The following PTBP3 variants were observed in gnomAD, a reference collection of about 807,000 sequenced individuals.
The protein encoded by PTBP3 is polypyrimidine tract-binding protein 3.
A neutral mutation model predicts 58.7 loss-of-function variants in PTBP3; 20 were observed. The ratio of observed to expected loss-of-function variants is 0.34; its 90% CI spans 0.24 to 0.50. The LOEUF (loss-of-function observed/expected upper bound fraction) is 0.50, where lower values mean the gene tolerates loss of function less well. Ranked by LOEUF, PTBP3 falls within the 20% of genes least tolerant of loss-of-function variation. The pLI is 0.98. For synonymous variants in PTBP3, 185 were observed against 219.8 expected (o/e 0.84, Z 1.40); for missense variants, 509 against 637.2 (o/e 0.80, Z 2.17).
chr9:112,319,478 A>G (rs1186684177), intron 1 of PTBP3, among the ~76,000 whole-genome samples: 2 of 152,230 alleles, frequency 1.3e-5, no homozygotes, highest in African/African-American at 4.8e-5. Context: ...AATCATCAAG[A>G]CACTACAAAT....
At chr9:112,367,914 C>T in the PTBP3 span, among the ~76,000 whole-genome samples, 2 of 152,210 alleles carry the variant, frequency 1.3e-5, no homozygotes, top group East Asian at 3.9e-4. Flanking sequence ...CCTTCTGGAA[C>T]TCCCATAATG....
intron 1 of PTBP3, among the ~76,000 whole-genome samples, chr9:112,331,907 C>T (rs1281662085): frequency 6.6e-6 from 1 of 152,046 alleles, no homozygotes. Context: ...TTTTACGACA[C>T]AAAAAAATAG....
the PTBP3 span, among the ~76,000 whole-genome samples, chr9:112,343,607 T>C: frequency 2.6e-5 from 4 of 151,938 alleles, no homozygotes; most frequent in Non-Finnish European, 5.9e-5. Flanking sequence ...CTGGCCAACA[T>C]GGTGAAACCC....
At chr9:112,235,936 G>C (rs1835422290) in intron 7 of PTBP3, among the ~76,000 whole-genome samples, 1 of 152,044 alleles carries the variant, frequency 6.6e-6, no homozygotes, top group Admixed American at 6.6e-5. Flanking sequence ...AGGGGGATAG[G>C]GAGGACCTTC....
chr9:112,235,816 G>T (rs767559307), intron 7 of PTBP3, among the ~76,000 whole-genome samples: 2 of 152,078 alleles, frequency 1.3e-5, no homozygotes, highest in African/African-American at 2.4e-5. Context: ...GTACACTTAA[G>T]CAACAGAAGG....
chr9:112,296,289 G>A (rs992322334), intron 2 of PTBP3, among the ~76,000 whole-genome samples: 1 of 151,984 alleles, frequency 6.6e-6, no homozygotes, highest in Non-Finnish European at 1.5e-5. Context: ...TAGAATGACT[G>A]TTAAGTCCTA....
chr9:112,240,836 G>C lies in PTBP3; in HGVS notation c.803-5939C>G, dbSNP rs1835629002. Among the ~76,000 whole-genome samples the C allele has an allele frequency of 1.3e-5, 2 of 151,746 alleles. 1 individual carries two copies. Among genetic ancestry groups the C allele is most frequent in the South Asian group, 4.1e-4 (2 of 4,830 alleles). ...ATATTGACAATCCTGACCTTGTGTAGGCCTAGGCTAACGTGTGTATGTGTC... is the reference window on the plus strand; with the variant it reads ...ATATTGACAATCCTGACCTTGTGTACGCCTAGGCTAACGTGTGTATGTGTC... On this transcript the variant is annotated intron_variant, in intron 7 of 13. Transcript: ENST00000374257.
intron 3 of PTBP3, among the ~76,000 whole-genome samples, chr9:112,268,633 G>T (rs1400187602): frequency 3.4e-5 from 5 of 148,808 alleles, no homozygotes; most frequent in African/African-American, 9.9e-5. Context: ...GACTGCTCAA[G>T]CCTGGGAGGT....
chr9:112,378,328 T>C, the PTBP3 span, among the ~76,000 whole-genome samples: 1 of 152,246 alleles, frequency 6.6e-6, no homozygotes, highest in East Asian at 1.9e-4. Flanking sequence ...ATAGTGTAAG[T>C]ACAGGTATTT....
At chr9:112,314,608 T>A (rs1276916377) in intron 1 of PTBP3, among the ~76,000 whole-genome samples, 2 of 151,946 alleles carry the variant, frequency 1.3e-5, no homozygotes, top group African/African-American at 4.8e-5. Flanking sequence ...GGCGGGAGGA[T>A]CCCTTAAGCC....
At chr9:112,259,665 A>G (rs550406948) in intron 5 of PTBP3, among the ~76,000 whole-genome samples, 1 of 152,334 alleles carries the variant, frequency 6.6e-6, no homozygotes, top group East Asian at 1.9e-4. Flanking sequence ...TTCCCTTACC[A>G]TGAGCTAAAG....
At position 112,312,766 on chromosome 9, in the gene PTBP3, G is replaced by A. The variant is rs112145449; in HGVS notation, c.-51-14850C>T. On this transcript the variant is annotated intron_variant, in intron 1 of 13. Coordinates refer to ENST00000374257, the MANE Select transcript of PTBP3 (RefSeq NM_001163788.4). ...AAAATAAACTGTTAAAAAGCAGGCC[G>A]GGCACAGTGGCTCATGCATGTAATC... is the stretch of plus-strand genomic sequence containing the variant. Among the ~76,000 whole-genome samples the A allele has an allele frequency of 8.0e-3, 1,223 of 152,068 alleles. 9 individuals are homozygous for A. The highest frequency in any genetic ancestry group is 0.014 in the Middle Eastern group (4 of 294).
At position 112,258,020 on chromosome 9, in the gene PTBP3, A is replaced by G. The variant is rs577474975; in HGVS notation, c.516+4415T>C. On this transcript the variant is annotated intron_variant, in intron 5 of 13. Coordinates refer to ENST00000374257, the MANE Select transcript of PTBP3 (RefSeq NM_001163788.4). ...CAAGCACACTGGCCACAACTTGTTT[A>G]TAATAGTTTTTGTAGCCAATGAAAT... Among the ~76,000 whole-genome samples, 756 of 151,662 alleles carry G rather than the reference A, an allele frequency of 5.0e-3. 4 individuals carry two copies. Among genetic ancestry groups the G allele is most frequent in the African/African-American group, 0.017 (719 of 41,414 alleles).
chr9:112,327,253 G>T (rs536738193), intron 1 of PTBP3, among the ~76,000 whole-genome samples: 1 of 151,514 alleles, frequency 6.6e-6, no homozygotes, highest in African/African-American at 2.4e-5. Flanking sequence ...TTCCCAATAA[G>T]CATTTCAAAA....
upstream of PTBP3, among the ~76,000 whole-genome samples, chr9:112,336,805 C>T (rs905432205): frequency 4.6e-5 from 7 of 151,908 alleles, no homozygotes; most frequent in Non-Finnish European, 1.0e-4. Context: ...AAAGTGTGTC[C>T]GAAATTTATT....
Position 112,222,593 on chromosome 9 carries a change from T to C in PTBP3, c.*1258A>G. The C allele has an allele frequency of 9.1e-6, 9 of 985,736 alleles. No homozygotes were observed. Among genetic ancestry groups the C allele is most frequent in the Non-Finnish European group, 9.6e-6 (8 of 829,886 alleles). The allele number at this position is 985,736 out of a possible 1,614,324, so 61.1% of individuals were successfully genotyped here. ...GAATTATTCCCAAAACCATTCACCC[T>C]TCCCCACACCGTCTCTGCACCAAGC... On this transcript the variant is annotated 3_prime_UTR_variant, in exon 14 of 14. Coordinates refer to ENST00000374257, the MANE Select transcript of PTBP3 (RefSeq NM_001163788.4).
intron 2 of PTBP3, among the ~76,000 whole-genome samples, chr9:112,276,805 C>G (rs1031662459): frequency 2.0e-5 from 3 of 152,230 alleles, no homozygotes; most frequent in African/African-American, 4.8e-5. Context: ...CTGAGAATAA[C>G]TAGAATTGAC....
intron 1 of PTBP3, chr9:112,333,118 A>G: frequency 8.0e-7 from 1 of 1,254,820 alleles, no homozygotes; most frequent in Non-Finnish European, 1.0e-6. Flanking sequence ...TCTGAGAGGA[A>G]GTGTCGGGAG....
chr9:112,332,939 A>T, intron 1 of PTBP3: 1 of 1,511,810 alleles, frequency 6.6e-7, no homozygotes, highest in East Asian at 2.4e-5. Flanking sequence ...CGGCCCTGGG[A>T]CCCCGCGTGG....
Sources: gnomAD v4.1 joint callset for allele counts (sites outside exome capture counted in the v4.1 genomes callset) on GRCh38, gnomAD v4.1.1 for gene constraint, MANE v1.5 for transcripts, NCBI Gene and HGNC (gene_info 2026-07-23, HGNC 2026-07-21) for gene names.